The following RYR2 variants were observed in gnomAD, a reference collection of about 807,000 sequenced individuals.
The protein encoded by RYR2 is ryanodine receptor 2, also known as cardiac muscle ryanodine receptor-calcium release channel.
In RYR2, 227 loss-of-function variants were observed where a neutral mutation model predicts 601.1. The ratio of observed to expected loss-of-function variants is 0.38; its 90% CI spans 0.34 to 0.42. The LOEUF (loss-of-function observed/expected upper bound fraction) is 0.42, where lower values mean the gene tolerates loss of function less well. RYR2 is among the 10% of genes least tolerant of loss of function. The probability of loss-of-function intolerance (pLI) is 1.00; values close to 1 mark genes in which losing one functional copy is unlikely to be tolerated. For synonymous variants in RYR2, 2,223 were observed against 2,175.1 expected (o/e 1.02, Z -0.61); for missense variants, 4,646 against 6,156.5 (o/e 0.75, Z 8.21).
chr1:237,196,234 A>C (rs1236935605), intron 1 of RYR2, among the ~76,000 whole-genome samples: 2 of 152,166 alleles, frequency 1.3e-5, no homozygotes, highest in African/African-American at 4.8e-5. Flanking sequence ...ATTGAGACAA[A>C]ATTTAAAAAA....
At chr1:237,262,503 C>T (rs927313305) in intron 1 of RYR2, among the ~76,000 whole-genome samples, 10 of 151,998 alleles carry the variant, frequency 6.6e-5, no homozygotes, top group African/African-American at 7.2e-5. Flanking sequence ...TTGATCCACC[C>T]GCCTCGGCCT....
intron 2 of RYR2, among the ~76,000 whole-genome samples, chr1:237,274,319 A>G (rs1690041274): frequency 6.6e-6 from 1 of 151,380 alleles, no homozygotes; most frequent in African/African-American, 2.4e-5. Flanking sequence ...AAAAATTCCT[A>G]TTGCCTAGTG....
intron 29 of RYR2, among the ~76,000 whole-genome samples, chr1:237,582,553 C>A (rs1674040850): frequency 6.6e-6 from 1 of 151,952 alleles, no homozygotes. Flanking sequence ...AATATGGCAC[C>A]CAATAATTTT....
chr1:237,306,203 AT>A, intron 2 of RYR2, among the ~76,000 whole-genome samples: 1 of 152,246 alleles, frequency 6.6e-6, no homozygotes, highest in Middle Eastern at 3.4e-3. Flanking sequence ...CCATTTAATA[AT>A]TTTCTATCTG....
intron 1 of RYR2, among the ~76,000 whole-genome samples, chr1:237,245,148 T>C (rs1214950456): frequency 1.3e-5 from 2 of 152,014 alleles, no homozygotes; most frequent in African/African-American, 4.8e-5. Flanking sequence ...GCCCAGGAGT[T>C]TGAGACTGCA....
At chr1:237,173,676 G>A (rs1457475240) in intron 1 of RYR2, among the ~76,000 whole-genome samples, 3 of 152,184 alleles carry the variant, frequency 2.0e-5, no homozygotes, top group Non-Finnish European at 2.9e-5. Context: ...CACGCACACA[G>A]TTTATATGTG....
At chr1:237,644,198 C>T (rs1457521170) in intron 48 of RYR2, among the ~76,000 whole-genome samples, 2 of 152,014 alleles carry the variant, frequency 1.3e-5, no homozygotes, top group Admixed American at 6.5e-5. Flanking sequence ...ATTTTAAAAT[C>T]CCCTCTCTGT....
intron 1 of RYR2, among the ~76,000 whole-genome samples, chr1:237,261,943 T>C (rs911504495): frequency 1.1e-4 from 17 of 152,208 alleles, no homozygotes; most frequent in Non-Finnish European, 2.4e-4. Flanking sequence ...AAATTTGTCC[T>C]CTTCTCTTGC....
intron 82 of RYR2, 50 bp downstream of exon 82, chr1:237,757,826 A>G (rs1299092077): frequency 8.9e-7 from 1 of 1,118,104 alleles, no homozygotes; most frequent in Admixed American, 1.8e-5. Flanking sequence ...CAAATGGACC[A>G]TATAGTAAAG....
intron 79 of RYR2, among the ~76,000 whole-genome samples, chr1:237,735,897 T>A (rs1691099239): frequency 2.0e-5 from 3 of 152,196 alleles, no homozygotes. Context: ...ATATTTTCTA[T>A]CCACAGTTGG....
chr1:237,484,794 CT>C (rs199621530), intron 17 of RYR2, among the ~76,000 whole-genome samples: 12 of 151,960 alleles, frequency 7.9e-5, no homozygotes, highest in Non-Finnish European at 1.6e-4. Flanking sequence ...AACAGGACCA[CT>C]TTTTTTTGGT....
At chr1:237,115,570 G>C (rs748407968) in intron 1 of RYR2, among the ~76,000 whole-genome samples, 5 of 152,178 alleles carry the variant, frequency 3.3e-5, no homozygotes, top group Non-Finnish European at 5.9e-5. Flanking sequence ...TGTTCTCCTT[G>C]TTGGAAATGA....
Position 237,492,986 on chromosome 1 carries a change from C to T in RYR2, c.1860C>T (p.Cys620=). The change falls in exon 19 of 105, where the codon TGC becomes TGT. Residue 620 remains cysteine, a synonymous_variant. Transcript: ENST00000366574. ...VLDVLCSLCV[C]HGVAVRSNQH... ...ATGTCTTGTGCTCACTCTGTGTTTGCCACGGGGTTGCAGTCCGTTCTAACC... is the reference window on the plus strand; with the variant it reads ...ATGTCTTGTGCTCACTCTGTGTTTGTCACGGGGTTGCAGTCCGTTCTAACC... 1.2e-6 allele frequency: 2 copies of T among 1,604,594 alleles called. No individual in the cohort carries two copies. Among genetic ancestry groups the T allele is most frequent in the South Asian group, 1.1e-5 (1 of 89,532 alleles).
chr1:237,207,308 A>G (rs951822098), intron 1 of RYR2, among the ~76,000 whole-genome samples: 6 of 152,194 alleles, frequency 3.9e-5, no homozygotes, highest in Admixed American at 2.6e-4. Flanking sequence ...GCTCACGCCT[A>G]TAATCCCAGC....
chr1:237,757,068 A>G (rs1006444816), intron 81 of RYR2, among the ~76,000 whole-genome samples: 6 of 152,236 alleles, frequency 3.9e-5, no homozygotes, highest in African/African-American at 1.4e-4. Context: ...ATGGAATGGA[A>G]AAGTAATGGT....
At chr1:237,362,379 AAT>A (rs1453708768) in intron 4 of RYR2, among the ~76,000 whole-genome samples, 1 of 152,152 alleles carries the variant, frequency 6.6e-6, no homozygotes, top group East Asian at 1.9e-4. Flanking sequence ...AAATAAATCA[AAT>A]AGTTAATTTA....
chr1:237,429,262 T>C (rs1250031365), intron 12 of RYR2, among the ~76,000 whole-genome samples: 1 of 152,076 alleles, frequency 6.6e-6, no homozygotes, highest in Non-Finnish European at 1.5e-5. Context: ...ATTTTACAGA[T>C]GGGGAAAACC....
chr1:237,347,756 A>G (rs1698424119), intron 3 of RYR2, among the ~76,000 whole-genome samples: 1 of 152,136 alleles, frequency 6.6e-6, no homozygotes, highest in South Asian at 2.1e-4. Context: ...TGTGGGAAAA[A>G]CAAAAAACAA....
intron 25 of RYR2, among the ~76,000 whole-genome samples, chr1:237,535,404 G>C (rs982977152): frequency 6.6e-6 from 1 of 151,404 alleles, no homozygotes; most frequent in African/African-American, 2.4e-5. Flanking sequence ...CAATTGTATA[G>C]AATAATATCA....
Sources: allele counts gnomAD v4.1 joint callset (sites outside exome capture counted in the v4.1 genomes callset), GRCh38; gene constraint gnomAD v4.1.1; transcripts MANE v1.5; gene names NCBI Gene and HGNC (gene_info 2026-07-23, HGNC 2026-07-21).